Variants in TH observed in about 807,000 individuals in gnomAD.
TH encodes tyrosine 3-monooxygenase.
TH carries 49 observed loss-of-function variants against 57.4 expected under a neutral mutation model. The observed-to-expected ratio is 0.85, with a 90% confidence interval of 0.68 to 1.08. The LOEUF (loss-of-function observed/expected upper bound fraction) is 1.08. Among genes scored for constraint, TH ranks in the 50% least tolerant of loss-of-function variants. The pLI is 0.00. For missense variants in TH, 720 were observed against 696.7 expected (o/e 1.03, Z -0.38); for synonymous variants, 330 against 304.5 (o/e 1.08, Z -0.87).
rs1353124114 is a variant in TH at position 2,169,868 on chromosome 11, G to A, written c.94C>T (p.Pro32Ser). ...CTCTGCCTGCGCCCAATGAACCGCG[G>A]GGACTGTGGGGACAAGGGGCACCCA... ...DAKQAEAIMSPRFIGRRQSLI... is the reference protein window; with the variant it reads ...DAKQAEAIMSSRFIGRRQSLI... The change falls in exon 2 of 13, where the codon CCG becomes TCG. Residue 32 changes from proline (P) to serine (S), a missense_variant. Coordinates refer to ENST00000352909, the MANE Select transcript of TH (RefSeq NM_000360.4). 6.2e-7 allele frequency: 1 copy of A among 1,608,538 alleles called. No homozygotes were observed. The highest frequency in any genetic ancestry group is 1.7e-5 in the Admixed American group (1 of 59,804).
chr11:2,168,273 G>A (rs1458902278), intron 3 of TH, 94 bp from the exon 4 acceptor site: 10 of 1,451,444 alleles, frequency 6.9e-6, no homozygotes, highest in East Asian at 2.3e-5. Context: ...AGACTTCCGG[G>A]GGGCAGAGGC....
At position 2,170,832 on chromosome 11, in the gene TH, C is replaced by T. The variant is rs570099152; in HGVS notation, c.90+865G>A. The T allele has an allele frequency of 1.4e-3, 149 of 109,758 alleles. 2 individuals carry two copies. The highest frequency in any genetic ancestry group is 6.4e-3 in the African/African-American group (134 of 20,866). The allele number at this position is 109,758 out of a possible 1,614,324, so 6.8% of individuals were successfully genotyped here. A position where few individuals can be genotyped will look rare whatever the true frequency, so the allele number is the denominator to read the frequency against. ...GAGGGTAGGGGAGGGCGGGGGAGGA[C>T]GGGGGAGGGCGCCCTGTGTCCCTGA... On this transcript the variant is annotated intron_variant, in intron 1 of 12. Coordinates refer to ENST00000352909, the MANE Select transcript of TH (RefSeq NM_000360.4). The surrounding 1 kb of genome is among the most constrained non-coding windows in gnomAD (Gnocchi z 6.0).
In TH at chr11:2,169,751, C is replaced by T. The variant is rs1400580819; in HGVS notation, c.211G>A (p.Val71Met). 6.2e-7 allele frequency: 1 copy of T among 1,612,608 alleles called. No individual in the cohort carries two copies. The highest frequency in any genetic ancestry group is 1.1e-5 in the South Asian group (1 of 91,054). The change falls in exon 2 of 13, where the codon GTG (valine) becomes ATG (methionine). Residue 71 changes from valine to methionine, a missense_variant. Val to Met is a conservative substitution (Grantham distance 21, BLOSUM62 1). Coordinates refer to ENST00000352909, the MANE Select transcript of TH (RefSeq NM_000360.4). ...TTCCCCTCCTTCTCCTCAAAGGCCACAGCCTCCAGGGGGTCCCCGGGCTCC... is the reference window on the plus strand; with the variant it reads ...TTCCCCTCCTTCTCCTCAAAGGCCATAGCCTCCAGGGGGTCCCCGGGCTCC... ...PSEPGDPLEA[V>M]AFEEKEGKAV... is the part of the protein sequence containing the mutation.
chr11:2,167,163 AGG>A, intron 6 of TH, 131 bp from the exon 7 acceptor site: 1 of 1,356,654 alleles, frequency 7.4e-7, no homozygotes. Flanking sequence ...CTGAAGACCC[AGG>A]CCCCCGGGAG....
At chr11:2,167,520 G>A (rs769757279) in intron 5 of TH, 35 bp from the exon 6 acceptor site, 146 of 1,550,190 alleles carry the variant, frequency 9.4e-5, no homozygotes, top group Non-Finnish European at 1.2e-4. Context: ...AGGTCCCCTC[G>A]GGGAGTGAGA....
intron 6 of TH, 164 bp downstream of exon 6, chr11:2,167,271 C>T (rs1846125089): frequency 1.0e-6 from 1 of 979,692 alleles, no homozygotes; most frequent in Non-Finnish European, 1.5e-6. Flanking sequence ...GGATGGGTAG[C>T]CTCTTCCTCC....
chr11:2,170,331 C>T lies in TH; in HGVS notation c.91-460G>A, dbSNP rs900476451. On this transcript the variant is annotated intron_variant, in intron 1 of 12. Transcript: ENST00000352909. This position sits in a 1 kb window ranked among gnomAD's most constrained non-coding sequence, Gnocchi z 6.0. ...ACAACCCCCCTACCCTCCTGGCTGC[C>T]GCACAGGGGACCCTTTCTCACACTC... Among the ~76,000 whole-genome samples the T allele has an allele frequency of 9.2e-5, 14 of 152,116 alleles. No homozygotes were observed. Among genetic ancestry groups the T allele is most frequent in the South Asian group, 2.1e-4 (1 of 4,830 alleles).
Position 2,167,437 on chromosome 11 carries a change from G to T in TH, c.693C>A (p.Thr231=), listed in dbSNP as rs753803089. The part of the protein sequence containing the change: ...RVEYTAEEIA[T]WKEVYTTLKG... The stretch of plus-strand genomic sequence containing the variant: ...CCCTAGCTGCACGGAGGTCTCACCA[G>T]GTGGCAATCTCCTCGGCGGTGTACT... The change falls in exon 6 of 13, where the codon ACC becomes ACA. Residue 231 remains threonine (T), a splice_region_variant and synonymous_variant. Coordinates refer to ENST00000352909, the MANE Select transcript of TH (RefSeq NM_000360.4). 1 of 1,562,046 alleles carries T rather than the reference G, an allele frequency of 6.4e-7. No homozygotes were observed. The highest frequency in any genetic ancestry group is 1.2e-5 in the South Asian group (1 of 84,868).
chr11:2,168,293 T>C, intron 3 of TH, 114 bp from the exon 4 acceptor site: 3 of 1,377,894 alleles, frequency 2.2e-6, no homozygotes, highest in Admixed American at 3.6e-5. Context: ...CAGCCGGGGC[T>C]GTGAGAGCTG....
Position 2,165,749 on chromosome 11 carries a change from C to T in TH, c.1119G>A (p.Thr373=), listed in dbSNP as rs143405115. ...TCTGCTTACACAGCCCGAACTCCAC[C>T]GTGAACCAGTACAGCTGCGGGGAAG... ...IEKLSTLYWF[T]VEFGLCKQNG... is the part of the protein sequence containing the mutation. The change falls in exon 11 of 13, where the codon ACG becomes ACA. Residue 373 remains threonine, a synonymous_variant. Coordinates refer to ENST00000352909, the MANE Select transcript of TH (RefSeq NM_000360.4). The T allele has an allele frequency of 4.0e-5, 65 of 1,612,716 alleles. No individual in the cohort carries two copies. Among genetic ancestry groups the T allele is most frequent in the Admixed American group, 1.2e-4 (7 of 60,016 alleles).
chr11:2,167,071 C>T (rs1199306412), intron 6 of TH, 39 bp from the exon 7 acceptor site: 1 of 1,556,570 alleles, frequency 6.4e-7, no homozygotes, highest in Non-Finnish European at 8.7e-7. Context: ...AATGCCCCAC[C>T]CCAGTGCCCG....
At chr11:2,165,847 C>A in intron 10 of TH, 84 bp from the exon 11 acceptor site, 1 of 1,536,154 alleles carries the variant, frequency 6.5e-7, no homozygotes, top group Non-Finnish European at 8.9e-7. Flanking sequence ...AGGATACCAC[C>A]CCCAGGGAGG....
At position 2,164,119 on chromosome 11, in the gene TH, G is replaced by A; in HGVS notation, c.*114C>T. ...GCAGGTGCAGGGGCAGTGGGAGCCT[G>A]GCAGCAGGGAGGGCATGGGGGGCAC... is the stretch of plus-strand genomic sequence containing the variant. On this transcript the variant is annotated 3_prime_UTR_variant, in exon 13 of 13. Transcript: ENST00000352909. 4 of 971,080 alleles carry A rather than the reference G, an allele frequency of 4.1e-6. No individual in the cohort carries two copies. Among genetic ancestry groups the A allele is most frequent in the Non-Finnish European group, 5.5e-6 (4 of 726,928 alleles). 60.2% of individuals were successfully genotyped at this position (971,080 alleles called of 1,614,324 possible).
At chr11:2,165,914 A>C in intron 10 of TH, 88 bp downstream of exon 10, 1 of 1,505,824 alleles carries the variant, frequency 6.6e-7, no homozygotes, top group Non-Finnish European at 9.0e-7. Context: ...GTGGAAGGAG[A>C]GGCCTCAGCC....
chr11:2,168,685 A>T lies in TH; in HGVS notation c.313-20T>A. 7.3e-7 allele frequency: 1 copy of T among 1,374,838 alleles called. No individual in the cohort carries two copies. Among genetic ancestry groups the T allele is most frequent in the East Asian group, 4.4e-5 (1 of 22,952 alleles). The allele number at this position is 1,374,838 out of a possible 1,614,324, so 85.2% of individuals were successfully genotyped here. On this transcript the variant is annotated intron_variant, in intron 2 of 12. Transcript: ENST00000352909. The stretch of plus-strand genomic sequence containing the variant: ...AAACGTCTTAGGGAGCAAAAGCAGG[A>T]AGAGAGAGAGAAGGAGAAAGAGACA...
At chr11:2,168,302 T>C in intron 3 of TH, 123 bp from the exon 4 acceptor site, 1 of 1,359,366 alleles carries the variant, frequency 7.4e-7, no homozygotes, top group Non-Finnish European at 1.0e-6. Context: ...CTGTGAGAGC[T>C]GCGGGGGGAT....
chr11:2,167,589 CGAGGCCTTTGGGTTGGAG>C, intron 5 of TH, 104 bp from the exon 6 acceptor site: 1 of 1,384,674 alleles, frequency 7.2e-7, no homozygotes, highest in East Asian at 2.5e-5. Flanking sequence ...CCTAGTGCAG[CGAGGCCTTTGGGTTGGAG>C]GATGGACAGG....
intron 9 of TH, 141 bp downstream of exon 9, chr11:2,166,339 C>T: frequency 8.4e-7 from 1 of 1,195,954 alleles, no homozygotes; most frequent in Non-Finnish European, 1.1e-6. Flanking sequence ...CTATGCCGCG[C>T]GACCCTCGGG....
intron 6 of TH, 115 bp from the exon 7 acceptor site, chr11:2,167,147 G>A (rs1846121610): frequency 1.4e-6 from 2 of 1,458,248 alleles, no homozygotes; most frequent in Admixed American, 4.2e-5. Flanking sequence ...GGCCTCTTGG[G>A]GACCCCTGAA....
Sources: allele counts gnomAD v4.1 joint callset (sites outside exome capture counted in the v4.1 genomes callset), GRCh38; gene constraint gnomAD v4.1.1; non-coding constraint Gnocchi (gnomAD v3.1); transcripts MANE v1.5; gene names NCBI Gene and HGNC (gene_info 2026-07-23, HGNC 2026-07-21).